Variants in NRXN1 observed in about 807,000 individuals in gnomAD.
NRXN1 encodes neurexin-1.
A neutral mutation model predicts 150.9 loss-of-function variants in NRXN1; 39 were observed. The ratio of observed to expected loss-of-function variants is 0.26; its 90% CI spans 0.20 to 0.34. The LOEUF is 0.34. NRXN1 is among the 10% of genes least tolerant of loss of function. NRXN1 has a pLI of 1.00. For synonymous variants in NRXN1, 924 were observed against 757.0 expected (o/e 1.22, Z -3.62); for missense variants, 1,815 against 1,949.9 (o/e 0.93, Z 1.30).
chr2:49,951,795 T>C (rs1446018986), intron 21 of NRXN1, among the ~76,000 whole-genome samples: 1 of 151,982 alleles, frequency 6.6e-6, no homozygotes, highest in Non-Finnish European at 1.5e-5. Flanking sequence ...TATTAATGGA[T>C]TGGTGGACTA....
At chr2:50,553,094 A>G (rs770514972) in intron 8 of NRXN1, 69 bp from the exon 9 acceptor site, 97 of 1,122,110 alleles carry the variant, frequency 8.6e-5, no homozygotes, top group Non-Finnish European at 1.1e-4. Context: ...TGAACAGCTC[A>G]TGTAACTTTC....
chr2:50,779,553 G>A (rs1171660016), intron 5 of NRXN1, among the ~76,000 whole-genome samples: 1 of 152,112 alleles, frequency 6.6e-6, no homozygotes, highest in African/African-American at 2.4e-5. Context: ...TGGATCACCA[G>A]GTCAGGAGAC....
intron 18 of NRXN1, among the ~76,000 whole-genome samples, chr2:50,199,521 C>A (rs2062009562): frequency 7.2e-6 from 1 of 138,542 alleles, no homozygotes; most frequent in Non-Finnish European, 1.5e-5. Context: ...CTCTCTTACT[C>A]ATTCTCTCTT....
Position 50,524,549 on chromosome 2 carries a change from C to A in NRXN1, c.2374+4076G>T, listed in dbSNP as rs115913880. 9.9e-3 allele frequency among the ~76,000 whole-genome samples: 1,499 copies of A among 151,590 alleles called. 28 individuals are homozygous for A. The highest frequency in any genetic ancestry group is 0.033 in the African/African-American group (1,376 of 41,426). On this transcript the variant is annotated intron_variant, in intron 12 of 22. Transcript: ENST00000401669. ...ATAAAATAAACGAAGTGTCCCTAAGCCTTCCAGTGAACAAGAAGGTCATTC... is the reference window on the plus strand; with the variant it reads ...ATAAAATAAACGAAGTGTCCCTAAGACTTCCAGTGAACAAGAAGGTCATTC...
At chr2:50,194,681 A>C (rs1264776083) in intron 18 of NRXN1, among the ~76,000 whole-genome samples, 1 of 152,128 alleles carries the variant, frequency 6.6e-6, no homozygotes, top group Non-Finnish European at 1.5e-5. Context: ...TCTGGGTTTT[A>C]TTTAATTCCT....
chr2:50,065,018 GA>G (rs1278498835), intron 19 of NRXN1, among the ~76,000 whole-genome samples: 24 of 152,138 alleles, frequency 1.6e-4, no homozygotes, highest in African/African-American at 5.3e-4. Flanking sequence ...AGCAGGACTA[GA>G]CCAGACAGTA....
At chr2:50,124,067 T>C (rs1056605458) in intron 18 of NRXN1, among the ~76,000 whole-genome samples, 2 of 151,924 alleles carry the variant, frequency 1.3e-5, no homozygotes, top group African/African-American at 2.4e-5. Context: ...TCTCAGGGTA[T>C]TGAGGAAGAA....
intron 17 of NRXN1, among the ~76,000 whole-genome samples, chr2:50,307,830 T>C (rs1454544659): frequency 2.6e-5 from 4 of 152,162 alleles, no homozygotes; most frequent in African/African-American, 9.7e-5. Flanking sequence ...AATAGTTGTA[T>C]GAACACTAGA....
chr2:50,792,096 G>GAT (rs1706130762), intron 5 of NRXN1, among the ~76,000 whole-genome samples: 1 of 152,090 alleles, frequency 6.6e-6, no homozygotes, highest in Admixed American at 6.6e-5. Context: ...TAGTATATCG[G>GAT]AAGAACATTA....
At chr2:50,958,495 T>C (rs953723825) in intron 2 of NRXN1, among the ~76,000 whole-genome samples, 3 of 152,168 alleles carry the variant, frequency 2.0e-5, no homozygotes, top group African/African-American at 7.2e-5. Flanking sequence ...TTGTTTTTTT[T>C]AATTCATTTA....
At chr2:50,625,892 G>T (rs1047130350) in intron 5 of NRXN1, among the ~76,000 whole-genome samples, 11 of 151,932 alleles carry the variant, frequency 7.2e-5, no homozygotes, top group Non-Finnish European at 1.3e-4. Context: ...TGTGATAAAT[G>T]TGATAAATCA....
chr2:50,384,086 T>A (rs1972311), intron 17 of NRXN1, among the ~76,000 whole-genome samples: 36,214 of 152,164 alleles, frequency 0.24, 4,904 homozygotes, highest in East Asian at 0.36. Context: ...TTAAATGACT[T>A]TTTATCTGTT....
chr2:50,444,619 A>G (rs2086243113), intron 17 of NRXN1, among the ~76,000 whole-genome samples: 1 of 152,156 alleles, frequency 6.6e-6, no homozygotes, highest in Admixed American at 6.6e-5. Context: ...CAGGGGCAAT[A>G]TTTAAGAGGA....
At chr2:50,999,148 T>A (rs1699714170) in intron 2 of NRXN1, among the ~76,000 whole-genome samples, 1 of 152,108 alleles carries the variant, frequency 6.6e-6, no homozygotes, top group Admixed American at 6.6e-5. Flanking sequence ...ATGCAATTTG[T>A]TAACATGGTA....
intron 5 of NRXN1, among the ~76,000 whole-genome samples, chr2:50,731,714 C>G (rs1207471583): frequency 6.6e-6 from 1 of 152,120 alleles, no homozygotes; most frequent in East Asian, 1.9e-4. Flanking sequence ...AAAGATACTT[C>G]CCAGGTGACT....
At chr2:50,586,395 A>T (rs1673104013) in intron 8 of NRXN1, among the ~76,000 whole-genome samples, 2 of 152,260 alleles carry the variant, frequency 1.3e-5, no homozygotes, top group Admixed American at 1.3e-4. Flanking sequence ...TATTTTAAAA[A>T]TTTATCTAGT....
chr2:49,992,404 A>G (rs1230923532), intron 21 of NRXN1, among the ~76,000 whole-genome samples: 1 of 148,366 alleles, frequency 6.7e-6, no homozygotes, highest in East Asian at 2.0e-4. Flanking sequence ...AAACACCCCA[A>G]AAACAAACAA....
intron 17 of NRXN1, among the ~76,000 whole-genome samples, chr2:50,296,159 A>T (rs1045961533): frequency 2.6e-5 from 4 of 152,226 alleles, no homozygotes. Flanking sequence ...CTTGATAAGT[A>T]ATCATTTTAG....
intron 17 of NRXN1, among the ~76,000 whole-genome samples, chr2:50,299,674 T>C (rs1048591894): frequency 2.0e-5 from 3 of 152,142 alleles, no homozygotes; most frequent in Non-Finnish European, 2.9e-5. Context: ...CAAATTGTTC[T>C]TTATTTTTAA....
Sources: allele counts gnomAD v4.1 joint callset (sites outside exome capture counted in the v4.1 genomes callset), GRCh38; gene constraint gnomAD v4.1.1; transcripts MANE v1.5; gene names NCBI Gene and HGNC (gene_info 2026-07-23, HGNC 2026-07-21).